Variants in GUCY2C observed in about 807,000 individuals in gnomAD.
The protein encoded by GUCY2C is guanylyl cyclase C.
GUCY2C carries 118 observed loss-of-function variants against 131.1 expected under a neutral mutation model. The observed-to-expected ratio is 0.90, with a 90% CI of 0.78 to 1.05. The LOEUF is 1.05. GUCY2C is among the 50% of genes least tolerant of loss of function. The pLI, the probability that GUCY2C is intolerant of heterozygous loss-of-function variation, is 0.00. For missense variants in GUCY2C, 1,161 were observed against 1,304.4 expected, an observed-to-expected ratio of 0.89 and a Z score of 1.69; for synonymous variants, 452 against 457.8, an observed-to-expected ratio of 0.99 and a Z score of 0.16.
chr12:14,696,546 G>A lies in GUCY2C; in HGVS notation c.-98C>T. The A allele has an allele frequency of 1.2e-6, 1 of 848,906 alleles. No individual in the cohort carries two copies. The highest frequency in any genetic ancestry group is 1.9e-6 in the Non-Finnish European group (1 of 523,678). The allele number at this position is 848,906 out of a possible 1,614,324, so 52.6% of individuals were successfully genotyped here. On this transcript the variant is annotated 5_prime_UTR_variant, in exon 1 of 27. Transcript: ENST00000261170. The stretch of plus-strand genomic sequence containing the variant: ...GAATCCAGATGGACAGCCTCTAGTG[G>A]AGTCCCTCAGCCCACTCTTCCCCAC...
At chr12:14,662,544 T>C (rs994015995) in intron 10 of GUCY2C, among the ~76,000 whole-genome samples, 3 of 151,816 alleles carry the variant, frequency 2.0e-5, no homozygotes, top group Admixed American at 6.6e-5. Context: ...GCCGTGGTGG[T>C]GGGTGCCTGT....
At position 14,684,563 on chromosome 12, in the gene GUCY2C, CCCTTCCTTCCTTCCTT is replaced by C. The variant is rs1216238965; in HGVS notation, c.396-1322_396-1307del. On this transcript the variant is annotated intron_variant, in intron 3 of 26. Transcript: ENST00000261170. ...TTCTCCTCTCTCTCTTTCTTTCTTT[CCCTTCCTTCCTTCCTT>C]CCTTCCTTCCTTCCTTCCTTCCTTC... Among the ~76,000 whole-genome samples the C allele has an allele frequency of 4.7e-4, 57 of 121,270 alleles. 3 individuals are homozygous for C. The highest frequency in any genetic ancestry group is 1.7e-3 in the African/African-American group (55 of 32,242). The allele number at this position is 121,270 out of a possible 152,430, so 79.6% of individuals were successfully genotyped here. A position where few individuals can be genotyped will look rare whatever the true frequency, so the allele number is the denominator to read the frequency against.
At chr12:14,632,504 G>A (rs1327791263) in intron 19 of GUCY2C, among the ~76,000 whole-genome samples, 1 of 152,202 alleles carries the variant, frequency 6.6e-6, no homozygotes, top group African/African-American at 2.4e-5. Context: ...AAAAGCAAAT[G>A]TAAAGAGCTT....
At chr12:14,686,867 A>G (rs1361121938) in intron 2 of GUCY2C, among the ~76,000 whole-genome samples, 1 of 152,184 alleles carries the variant, frequency 6.6e-6, no homozygotes, top group African/African-American at 2.4e-5. Flanking sequence ...CTGCTGTGGT[A>G]GCCATTGTTC....
intron 10 of GUCY2C, chr12:14,665,968 A>G (rs958761927): frequency 2.6e-5 from 4 of 152,280 alleles, no homozygotes; most frequent in Non-Finnish European, 5.9e-5. Flanking sequence ...CAAGTAGCGG[A>G]AAGTTTAATA....
chr12:14,637,190 AGCT>A (rs1947288022), intron 19 of GUCY2C, among the ~76,000 whole-genome samples: 1 of 71,816 alleles, frequency 1.4e-5, no homozygotes, highest in Non-Finnish European at 3.0e-5. Flanking sequence ...CATTTACAAT[AGCT>A]ACCAAAAAAA....
At chr12:14,694,442 T>C (rs1171080580) in intron 1 of GUCY2C, among the ~76,000 whole-genome samples, 1 of 152,156 alleles carries the variant, frequency 6.6e-6, no homozygotes, top group African/African-American at 2.4e-5. Context: ...TTGAAGTACC[T>C]AGAACTTAGC....
At chr12:14,661,563 C>T (rs990050583) in intron 10 of GUCY2C, among the ~76,000 whole-genome samples, 21 of 152,018 alleles carry the variant, frequency 1.4e-4, no homozygotes, top group African/African-American at 3.9e-4. Flanking sequence ...TTTAGCCTCC[C>T]GAGAAGCTGG....
At chr12:14,668,128 T>C (rs546911246) in intron 10 of GUCY2C, among the ~76,000 whole-genome samples, 115 of 147,998 alleles carry the variant, frequency 7.8e-4, no homozygotes, top group Non-Finnish European at 6.4e-4. Flanking sequence ...CTCAGCCTCC[T>C]GAGTAGCTGG....
intron 20 of GUCY2C, 114 bp downstream of exon 20, chr12:14,628,532 A>G (rs1057512569): frequency 7.4e-6 from 5 of 673,090 alleles, no homozygotes; most frequent in Non-Finnish European, 1.4e-5. Flanking sequence ...GTTGGTTGCC[A>G]CCTGGGATTT....
At chr12:14,641,432 T>C (rs555873933) in intron 17 of GUCY2C, among the ~76,000 whole-genome samples, 1 of 152,294 alleles carries the variant, frequency 6.6e-6, no homozygotes, top group South Asian at 2.1e-4. Context: ...AGACTAACTA[T>C]GAAATGTTAG....
intron 21 of GUCY2C, among the ~76,000 whole-genome samples, chr12:14,623,072 G>A (rs1011075536): frequency 6.6e-6 from 1 of 152,166 alleles, no homozygotes; most frequent in Non-Finnish European, 1.5e-5. Context: ...AGGTTCCACG[G>A]AAGTCATTGA....
intron 1 of GUCY2C, among the ~76,000 whole-genome samples, chr12:14,691,851 C>G (rs1948579710): frequency 1.3e-5 from 2 of 152,202 alleles, no homozygotes; most frequent in South Asian, 2.1e-4. Flanking sequence ...GCCAGTTGAT[C>G]TCTTTCACTA....
At chr12:14,620,045 A>T (rs949276886) in intron 23 of GUCY2C, among the ~76,000 whole-genome samples, 1 of 152,308 alleles carries the variant, frequency 6.6e-6, no homozygotes, top group African/African-American at 2.4e-5. Flanking sequence ...CTGGCTAAAG[A>T]TTCATCTAGA....
intron 2 of GUCY2C, 95 bp downstream of exon 2, chr12:14,687,856 G>T: frequency 2.7e-6 from 2 of 729,612 alleles, no homozygotes; most frequent in African/African-American, 1.7e-5. Flanking sequence ...TAGAGATGAT[G>T]GGAGAGCTGC....
chr12:14,656,273 G>T (rs1947761537), intron 12 of GUCY2C, among the ~76,000 whole-genome samples: 1 of 152,182 alleles, frequency 6.6e-6, no homozygotes, highest in South Asian at 2.1e-4. Context: ...TGGATAAGAT[G>T]CAAAGAACGA....
rs111692025 is a variant in GUCY2C at position 14,644,321 on chromosome 12, G to A, written c.1798-615C>T. Among the ~76,000 whole-genome samples the A allele has an allele frequency of 5.0e-3, 758 of 152,226 alleles. 7 individuals carry two copies. Among genetic ancestry groups the A allele is most frequent in the African/African-American group, 0.017 (721 of 41,516 alleles). ...GCCGAGGTTGCAGTGAGCTGAGATC[G>A]CGCCACTGTACTCCAGCCTGGGTGA... On this transcript the variant is annotated intron_variant, in intron 16 of 26. Coordinates refer to ENST00000261170, the MANE Select transcript of GUCY2C (RefSeq NM_004963.4).
At chr12:14,672,118 C>G (rs940364874) in intron 9 of GUCY2C, 2 of 152,014 alleles carry the variant, frequency 1.3e-5, no homozygotes, top group African/African-American at 4.8e-5. Context: ...TATGTCAGGA[C>G]CTGACCTCCT....
At chr12:14,649,519 G>C (rs758139047) in intron 15 of GUCY2C, among the ~76,000 whole-genome samples, 2 of 151,988 alleles carry the variant, frequency 1.3e-5, no homozygotes, top group East Asian at 1.9e-4. Flanking sequence ...ATGAAGAAAC[G>C]TACTAAAATA....
Sources: allele counts gnomAD v4.1 joint callset (sites outside exome capture counted in the v4.1 genomes callset), GRCh38; gene constraint gnomAD v4.1.1; transcripts MANE v1.5; gene names NCBI Gene and HGNC (gene_info 2026-07-23, HGNC 2026-07-21).